KCNIP4: variants seen among roughly 807,000 people sequenced by gnomAD.
The protein encoded by KCNIP4 is Kv channel-interacting protein 4.
KCNIP4 carries 12 observed loss-of-function variants against 34.0 expected under a neutral mutation model. The observed-to-expected ratio is 0.35, with a 90% CI of 0.23 to 0.57. The LOEUF (loss-of-function observed/expected upper bound fraction) is 0.57. Ranked by LOEUF, KCNIP4 falls within the 20% of genes least tolerant of loss-of-function variation. KCNIP4 has a pLI of 0.83. For missense variants in KCNIP4, 238 were observed against 311.7 expected, an observed-to-expected ratio of 0.76 and a Z score of 1.78; for synonymous variants, 124 against 102.2, an observed-to-expected ratio of 1.21 and a Z score of -1.29.
intron 1 of KCNIP4, among the ~76,000 whole-genome samples, chr4:21,793,509 C>T (rs912289291): frequency 2.0e-5 from 3 of 152,164 alleles, no homozygotes; most frequent in Non-Finnish European, 2.9e-5. Flanking sequence ...CCACCCACCT[C>T]GACCTCCCAG....
chr4:21,221,066 G>A (rs545035676), intron 1 of KCNIP4, among the ~76,000 whole-genome samples: 11 of 152,152 alleles, frequency 7.2e-5, no homozygotes, highest in African/African-American at 2.2e-4. Context: ...ATAATTCATC[G>A]TTCATTCCTC....
chr4:21,337,347 C>T (rs1341985356), intron 1 of KCNIP4, among the ~76,000 whole-genome samples: 1 of 152,034 alleles, frequency 6.6e-6, no homozygotes, highest in Admixed American at 6.6e-5. Context: ...TAAAATGATG[C>T]CATGAAACCA....
chr4:21,495,401 T>G lies in KCNIP4; in HGVS notation c.61+453170A>C, dbSNP rs528425783. ...CAAGTGCCTCTGAGATACCTTCTCATGAGCTACTTTCCCTAAAATCACTGC... is the reference window on the plus strand; with the variant it reads ...CAAGTGCCTCTGAGATACCTTCTCAGGAGCTACTTTCCCTAAAATCACTGC... On this transcript the variant is annotated intron_variant, in intron 1 of 8. Coordinates refer to ENST00000382152, the MANE Select transcript of KCNIP4 (RefSeq NM_025221.6). Among the ~76,000 whole-genome samples, 464 of 152,308 alleles carry G rather than the reference T, an allele frequency of 3.0e-3. 3 individuals carry two copies. The highest frequency in any genetic ancestry group is 0.011 in the African/African-American group (442 of 41,576).
In KCNIP4 at chr4:21,432,357, C is replaced by A. The variant is rs532264832; in HGVS notation, c.61+516214G>T. ...GTCTACATTGCTTCTCAATCTTTGA[C>A]CATAAAAAAGCACCTCAATTTAGCA... On this transcript the variant is annotated intron_variant, in intron 1 of 8. Coordinates refer to ENST00000382152, the MANE Select transcript of KCNIP4 (RefSeq NM_025221.6). Among the ~76,000 whole-genome samples the A allele has an allele frequency of 6.6e-5, 10 of 151,662 alleles. No homozygotes were observed. In the South Asian group the frequency reaches 2.1e-3, roughly 32 times the overall value.
chr4:21,482,625 T>G (rs1301046748), intron 1 of KCNIP4, among the ~76,000 whole-genome samples: 1 of 152,192 alleles, frequency 6.6e-6, no homozygotes, highest in Non-Finnish European at 1.5e-5. Context: ...TCTTTAAGAA[T>G]GTTGAATATT....
intron 3 of KCNIP4, among the ~76,000 whole-genome samples, chr4:20,805,257 A>G (rs73802342): frequency 0.014 from 1,899 of 135,644 alleles, 50 homozygotes; most frequent in African/African-American, 0.051. Flanking sequence ...ACTGCTCTTG[A>G]ACTCCTGGAG....
chr4:21,710,676 T>TGTCTGGCTC (rs1468688516), intron 1 of KCNIP4, among the ~76,000 whole-genome samples: 1 of 152,170 alleles, frequency 6.6e-6, no homozygotes, highest in Non-Finnish European at 1.5e-5. Flanking sequence ...GAGTCAGGCT[T>TGTCTGGCTC]GTGTCTGGCT....
At chr4:21,124,208 T>C (rs1431292264) in intron 1 of KCNIP4, among the ~76,000 whole-genome samples, 1 of 152,158 alleles carries the variant, frequency 6.6e-6, no homozygotes, top group Non-Finnish European at 1.5e-5. Flanking sequence ...TCATACAGTG[T>C]TTGGAAAGTC....
chr4:21,392,216 A>C (rs1355336446), intron 1 of KCNIP4, among the ~76,000 whole-genome samples: 1 of 152,202 alleles, frequency 6.6e-6, no homozygotes, highest in Non-Finnish European at 1.5e-5. Flanking sequence ...GAACAAAACA[A>C]TGCAACCCAA....
intron 1 of KCNIP4, among the ~76,000 whole-genome samples, chr4:21,041,034 T>C (rs983285505): frequency 1.3e-5 from 2 of 151,986 alleles, no homozygotes; most frequent in Non-Finnish European, 2.9e-5. Context: ...GCAGTTTGTC[T>C]TCTATAGCCT....
At chr4:21,391,751 T>G (rs1258265370) in intron 1 of KCNIP4, among the ~76,000 whole-genome samples, 1 of 152,170 alleles carries the variant, frequency 6.6e-6, no homozygotes, top group Non-Finnish European at 1.5e-5. Context: ...CTCAAAAGTC[T>G]TCATCAGCTG....
At chr4:21,499,176 C>T (rs533069286) in intron 1 of KCNIP4, among the ~76,000 whole-genome samples, 1 of 151,928 alleles carries the variant, frequency 6.6e-6, no homozygotes, top group African/African-American at 2.4e-5. Flanking sequence ...ACTAAAAATA[C>T]AAAAATTAGT....
intron 1 of KCNIP4, among the ~76,000 whole-genome samples, chr4:21,388,466 G>T (rs1011122492): frequency 6.6e-6 from 1 of 151,786 alleles, no homozygotes; most frequent in Non-Finnish European, 1.5e-5. Flanking sequence ...TATACCCATA[G>T]ATTATTATCT....
chr4:21,170,009 C>T (rs1386099855), intron 1 of KCNIP4, among the ~76,000 whole-genome samples: 1 of 152,098 alleles, frequency 6.6e-6, no homozygotes, highest in Non-Finnish European at 1.5e-5. Context: ...TTCTGTCTAT[C>T]AGAGCCTTAG....
At chr4:21,718,912 A>C (rs1714588094) in intron 1 of KCNIP4, 1 of 152,214 alleles carries the variant, frequency 6.6e-6, no homozygotes, top group Non-Finnish European at 1.5e-5. Flanking sequence ...TTCAATTGCA[A>C]ATGTCAACAA....
At chr4:20,773,371 G>T (rs1350076937) in intron 3 of KCNIP4, among the ~76,000 whole-genome samples, 1 of 152,130 alleles carries the variant, frequency 6.6e-6, no homozygotes, top group African/African-American at 2.4e-5. Context: ...TGCCTAAAAG[G>T]AACCTGTGTC....
chr4:20,958,950 C>T (rs1383416945), intron 1 of KCNIP4, among the ~76,000 whole-genome samples: 1 of 152,140 alleles, frequency 6.6e-6, no homozygotes, highest in African/African-American at 2.4e-5. Flanking sequence ...TTAACCTTTA[C>T]AGCTGTGAGA....
Position 21,350,993 on chromosome 4 carries a change from T to C in KCNIP4, c.62-468284A>G, listed in dbSNP as rs145360773. On this transcript the variant is annotated intron_variant, in intron 1 of 8. Transcript: ENST00000382152. ...CATCTGCATTATGCTTTATGGGTGA[T>C]TTAAAGGATTTTCAAATATTATTTT... Among the ~76,000 whole-genome samples, 3 of 152,262 alleles carry C rather than the reference T, an allele frequency of 2.0e-5. No homozygotes were observed. In the East Asian group the frequency reaches 5.8e-4, roughly 29 times the overall value.
In KCNIP4 at chr4:21,694,929, AAT is replaced by A. The variant is rs1430116038; in HGVS notation, c.61+253640_61+253641del. ...CACGATTGACCAAAAAAAAAAAAAA[AAT>A]AAAAATAAATAAATAAATAAAGGGC... is the stretch of plus-strand genomic sequence containing the variant. On this transcript the variant is annotated intron_variant, in intron 1 of 8. Transcript: ENST00000382152. 8.4e-3 allele frequency among the ~76,000 whole-genome samples: 735 copies of A among 87,474 alleles called. 19 individuals carry two copies. Among genetic ancestry groups the A allele is most frequent in the South Asian group, 0.036 (137 of 3,760 alleles). The allele number at this position is 87,474 out of a possible 152,430, so 57.4% of individuals were successfully genotyped here. A position where few individuals can be genotyped will look rare whatever the true frequency, so the allele number is the denominator to read the frequency against.
Sources: allele counts gnomAD v4.1 joint callset (sites outside exome capture counted in the v4.1 genomes callset), GRCh38; gene constraint gnomAD v4.1.1; transcripts MANE v1.5; gene names NCBI Gene and HGNC (gene_info 2026-07-23, HGNC 2026-07-21).